Variants in ADGRF5 observed in about 807,000 individuals in gnomAD.
ADGRF5 encodes G-protein coupled receptor 116.
A neutral mutation model predicts 132.3 loss-of-function variants in ADGRF5; 75 were observed. The ratio of observed to expected loss-of-function variants is 0.57; its 90% CI spans 0.47 to 0.69. The LOEUF (loss-of-function observed/expected upper bound fraction) is 0.69. Ranked by LOEUF, ADGRF5 falls within the 30% of genes least tolerant of loss-of-function variation. The pLI, the probability that ADGRF5 is intolerant of heterozygous loss-of-function variation, is 0.00. For synonymous variants in ADGRF5, 629 were observed against 597.6 expected, an observed-to-expected ratio of 1.05 and a Z score of -0.77; for missense variants, 1,516 against 1,630.6, an observed-to-expected ratio of 0.93 and a Z score of 1.21.
Position 46,869,080 on chromosome 6 carries a change from A to G in ADGRF5, c.1424T>C (p.Ile475Thr). The G allele has an allele frequency of 6.2e-7, 1 of 1,613,804 alleles. No homozygotes were observed. Among genetic ancestry groups the G allele is most frequent in the Non-Finnish European group, 8.5e-7 (1 of 1,179,794 alleles). ...VTFISVANLT[I>T]TPDPISVSEG... ...AGAAACAGAAATTGGGTCCGGGGTT[A>G]TTGTTAGATTGGCTGAAAAAAAGGC... The change falls in exon 12 of 21, where the codon ATA (isoleucine) becomes ACA (threonine). Residue 475 changes from isoleucine (I) to threonine (T), a missense_variant. This residue lies in a region of ADGRF5 where 945 missense variants were observed against 929.4 expected (regional missense o/e 1.02). Transcript: ENST00000283296.
chr6:46,868,809 A>G lies in ADGRF5; in HGVS notation c.1621+74T>C, dbSNP rs544292480. 1.7e-4 allele frequency: 156 copies of G among 929,824 alleles called. 1 individual carries two copies. In the African/African-American group the frequency reaches 2.4e-3, roughly 14 times the overall value. The allele number at this position is 929,824 out of a possible 1,614,324, so 57.6% of individuals were successfully genotyped here. A position where few individuals can be genotyped will look rare whatever the true frequency, so the allele number is the denominator to read the frequency against. ...ATAGGCATGTCTCAAAGAAGACCCT[A>G]CACAGATGGTAACTATTATTGCATG... On this transcript the variant is annotated intron_variant, in intron 12 of 20. Transcript: ENST00000283296.
chr6:46,878,081 A>C, intron 10 of ADGRF5, 121 bp downstream of exon 10: 1 of 699,758 alleles, frequency 1.4e-6, no homozygotes, highest in Non-Finnish European at 2.5e-6. Context: ...GCCTTTTCAC[A>C]GTCTGAAATC....
intron 1 of ADGRF5, among the ~76,000 whole-genome samples, chr6:46,910,916 T>G (rs1581972750): frequency 6.6e-6 from 1 of 152,348 alleles, no homozygotes; most frequent in East Asian, 1.9e-4. Context: ...GTTGGTCTCT[T>G]GAAGTCCTGT....
At chr6:46,905,692 C>A (rs534773651) in intron 2 of ADGRF5, among the ~76,000 whole-genome samples, 2 of 152,066 alleles carry the variant, frequency 1.3e-5, no homozygotes, top group South Asian at 2.1e-4. Context: ...CAAAGTAGGA[C>A]AAAGAAGGGC....
intron 1 of ADGRF5, among the ~76,000 whole-genome samples, chr6:46,909,522 A>G (rs541512558): frequency 6.6e-6 from 1 of 152,214 alleles, no homozygotes; most frequent in African/African-American, 2.4e-5. Flanking sequence ...GCCTGACATC[A>G]TATGCCAGGA....
chr6:46,865,770 A>G (rs1444869804), intron 13 of ADGRF5, among the ~76,000 whole-genome samples: 2 of 152,128 alleles, frequency 1.3e-5, no homozygotes, highest in African/African-American at 2.4e-5. Context: ...TTGAGTCCCC[A>G]CTTTTCTGAA....
chr6:46,884,004 A>C (rs1772782877), intron 5 of ADGRF5, 91 bp downstream of exon 5: 1 of 1,041,598 alleles, frequency 9.6e-7, no homozygotes, highest in African/African-American at 1.6e-5. Context: ...GGACTATCAA[A>C]GTGCTGGGAT....
At chr6:46,917,653 T>TATCCCTCC (rs111455836) in intron 1 of ADGRF5, among the ~76,000 whole-genome samples, 62 of 152,314 alleles carry the variant, frequency 4.1e-4, no homozygotes, top group Middle Eastern at 3.4e-3. Context: ...CTCCTAATGC[T>TATCCCTCC]ATCCCTCCCC....
intron 1 of ADGRF5, among the ~76,000 whole-genome samples, chr6:46,920,620 TGG>T (rs918793169): frequency 6.6e-6 from 1 of 151,922 alleles, no homozygotes; most frequent in African/African-American, 2.4e-5. Flanking sequence ...TCCAGCATTT[TGG>T]GAGGCCGAGG....
intron 10 of ADGRF5, among the ~76,000 whole-genome samples, chr6:46,876,684 A>C (rs1256263335): frequency 6.6e-6 from 1 of 152,058 alleles, no homozygotes; most frequent in Non-Finnish European, 1.5e-5. Context: ...GCTCACTGCA[A>C]CCTCGGCCTC....
intron 19 of ADGRF5, 99 bp from the exon 20 acceptor site, chr6:46,856,157 CT>C (rs1274166068): frequency 1.4e-6 from 1 of 689,774 alleles, no homozygotes; most frequent in Admixed American, 2.4e-5. Context: ...CTAGTGGTCA[CT>C]GCCGGAATCT....
At chr6:46,899,437 C>A (rs890507726) in intron 3 of ADGRF5, among the ~76,000 whole-genome samples, 1 of 152,148 alleles carries the variant, frequency 6.6e-6, no homozygotes, top group Non-Finnish European at 1.5e-5. Context: ...GCGGCCCTGA[C>A]CTGACACCTG....
intron 1 of ADGRF5, among the ~76,000 whole-genome samples, chr6:46,951,974 G>T (rs1778517224): frequency 6.6e-6 from 1 of 152,246 alleles, no homozygotes; most frequent in African/African-American, 2.4e-5. Flanking sequence ...AAGCATGAGA[G>T]AATGTGAGTG....
chr6:46,868,854 C>G, intron 12 of ADGRF5, 29 bp downstream of exon 12: 4 of 1,423,560 alleles, frequency 2.8e-6, no homozygotes, highest in Non-Finnish European at 4.0e-6. Flanking sequence ...GCCCAGGCAG[C>G]ACAATACGGT....
chr6:46,946,215 G>A (rs1348428425), intron 1 of ADGRF5, among the ~76,000 whole-genome samples: 1 of 152,198 alleles, frequency 6.6e-6, no homozygotes, highest in African/African-American at 2.4e-5. Context: ...AAAAACAACT[G>A]AGAAGTTGCA....
At chr6:46,899,385 A>G (rs763867070) in intron 3 of ADGRF5, among the ~76,000 whole-genome samples, 2 of 152,084 alleles carry the variant, frequency 1.3e-5, no homozygotes, top group Non-Finnish European at 2.9e-5. Context: ...AAGGGCTTCT[A>G]TGCTGGGAGT....
intron 1 of ADGRF5, among the ~76,000 whole-genome samples, chr6:46,942,857 C>T (rs371571433): frequency 1.3e-4 from 20 of 152,204 alleles, no homozygotes; most frequent in East Asian, 9.7e-4. Context: ...GAGATGTGTG[C>T]GTGTGTCTGC....
chr6:46,863,425 G>A (rs1012601205), intron 14 of ADGRF5: 2 of 419,562 alleles, frequency 4.8e-6, no homozygotes, highest in South Asian at 1.9e-5. Flanking sequence ...AATCGGAATC[G>A]TCAGAGCGGG....
intron 1 of ADGRF5, among the ~76,000 whole-genome samples, chr6:46,946,656 C>A (rs1031852419): frequency 1.6e-4 from 24 of 152,122 alleles, no homozygotes; most frequent in Non-Finnish European, 4.4e-5. Context: ...GAGAGCTGAG[C>A]TCTGGAGGCA....
Sources: allele counts gnomAD v4.1 joint callset (sites outside exome capture counted in the v4.1 genomes callset), GRCh38; gene constraint gnomAD v4.1.1; regional missense constraint gnomAD v4.1.1; transcripts MANE v1.5; gene names NCBI Gene and HGNC (gene_info 2026-07-23, HGNC 2026-07-21).